The following MTCL1 variants were observed in gnomAD, a reference collection of about 807,000 sequenced individuals.
MTCL1 encodes microtubule crosslinking factor 1.
Under a neutral mutation model 141.4 loss-of-function variants are expected in MTCL1, and 79 were observed. The observed-to-expected ratio is 0.56, with a 90% CI of 0.47 to 0.67. The LOEUF is 0.67. Ranked by LOEUF, MTCL1 falls within the 30% of genes least tolerant of loss-of-function variation. The pLI is 0.00. For missense variants in MTCL1, 2,177 were observed against 2,113.9 expected, an observed-to-expected ratio of 1.03 and a Z score of -0.59; for synonymous variants, 914 against 875.8, an observed-to-expected ratio of 1.04 and a Z score of -0.77.
chr18:8,811,345 A>T (rs140787765), intron 11 of MTCL1: 31 of 152,352 alleles, frequency 2.0e-4, no homozygotes, highest in African/African-American at 7.2e-4. Flanking sequence ...GCAGGGCATG[A>T]ATCTGTTCAT....
At chr18:8,721,525 G>A (rs1490188095) in intron 4 of MTCL1, among the ~76,000 whole-genome samples, 2 of 151,682 alleles carry the variant, frequency 1.3e-5, no homozygotes, top group Non-Finnish European at 2.9e-5. Context: ...CAGCTGCCTC[G>A]GCCTCCCTGC....
chr18:8,734,487 G>A (rs959533389), intron 4 of MTCL1, among the ~76,000 whole-genome samples: 1 of 152,054 alleles, frequency 6.6e-6, no homozygotes, highest in African/African-American at 2.4e-5. Flanking sequence ...ATTTTCTGAA[G>A]GGTACCCTGC....
rs142221028 is a variant in MTCL1, at chr18:8,747,278, G to A, written c.357+26782G>A. ...AGTGGGGACTGCAGTCCAAGATCAG[G>A]GTGCCTGCAGGGCATGCTATCTGGA... On this transcript the variant is annotated intron_variant, in intron 4 of 16. Coordinates refer to ENST00000359865, the Ensembl canonical transcript of MTCL1. Among the ~76,000 whole-genome samples the A allele has an allele frequency of 3.6e-3, 545 of 152,310 alleles. 4 individuals are homozygous for A. The highest frequency in any genetic ancestry group is 0.012 in the African/African-American group (518 of 41,570).
intron 1 of MTCL1, among the ~76,000 whole-genome samples, chr18:8,712,228 G>C (rs80230549): frequency 0.013 from 1,970 of 152,328 alleles, 43 homozygotes; most frequent in African/African-American, 0.045. Flanking sequence ...AAACAAGTTG[G>C]TGCTAGATAC....
exon 6 of MTCL1, chr18:8,783,984 C>T (rs138137244): frequency 6.2e-7 from 1 of 1,613,662 alleles, no homozygotes; most frequent in Non-Finnish European, 8.5e-7. Context: ...CTCCGGAGGT[C>T]CATCTCCGAG....
chr18:8,820,342 G>A (rs1011813590), intron 13 of MTCL1, among the ~76,000 whole-genome samples: 21 of 151,972 alleles, frequency 1.4e-4, no homozygotes, highest in African/African-American at 4.6e-4. Context: ...CCCAGGAGGC[G>A]GAGCTTGTAG....
chr18:8,750,410 C>T lies in MTCL1; in HGVS notation c.358-27423C>T, dbSNP rs544415364. Among the ~76,000 whole-genome samples, 3 of 152,312 alleles carry T rather than the reference C, an allele frequency of 2.0e-5. No homozygotes were observed. The South Asian group carries it at 6.2e-4, about 32-fold the overall frequency. On this transcript the variant is annotated intron_variant, in intron 4 of 16. Transcript: ENST00000359865. ...AAGCGAAATATGCCTGGAGAGAGCC[C>T]GGTCCTGGAGGGTGCCCCTCCTCCA...
chr18:8,803,928 A>C (rs1308495592), intron 10 of MTCL1, among the ~76,000 whole-genome samples: 2 of 152,236 alleles, frequency 1.3e-5, no homozygotes, highest in Non-Finnish European at 2.9e-5. Flanking sequence ...AGAACAGCAT[A>C]GGCTGATACC....
chr18:8,765,228 T>G (rs1180342135), intron 4 of MTCL1, among the ~76,000 whole-genome samples: 1 of 152,208 alleles, frequency 6.6e-6, no homozygotes, highest in African/African-American at 2.4e-5. Flanking sequence ...CAGGCCTGTG[T>G]GCCCTAGGAA....
chr18:8,769,265 A>T (rs624193), intron 4 of MTCL1, among the ~76,000 whole-genome samples: 1 of 152,008 alleles, frequency 6.6e-6, no homozygotes, highest in Non-Finnish European at 1.5e-5. Flanking sequence ...GGTATTGCTA[A>T]GTGCCAGCAT....
chr18:8,730,659 CTTT>C (rs1191246639), intron 4 of MTCL1, among the ~76,000 whole-genome samples: 1 of 152,170 alleles, frequency 6.6e-6, no homozygotes, highest in Non-Finnish European at 1.5e-5. Context: ...CAGCTGCCTT[CTTT>C]TTATTTCCTG....
At chr18:8,710,457 C>CTTTT (rs59830434) in intron 1 of MTCL1, among the ~76,000 whole-genome samples, 462 of 120,540 alleles carry the variant, frequency 3.8e-3, no homozygotes, top group Middle Eastern at 9.9e-3. Context: ...CAGGCACTTT[C>CTTTT]TTTTTTTTTT....
intron 4 of MTCL1, among the ~76,000 whole-genome samples, chr18:8,767,409 A>C (rs1179450866): frequency 6.6e-6 from 1 of 152,166 alleles, no homozygotes; most frequent in African/African-American, 2.4e-5. Context: ...GGGTGTTATT[A>C]GGCCTCCCTA....
intron 16 of MTCL1, chr18:8,829,389 C>A (rs2077125965): frequency 1.0e-6 from 1 of 985,290 alleles, no homozygotes. Flanking sequence ...TGAGGTGTGA[C>A]CCTAATGTGA....
chr18:8,831,204 G>C, intron 16 of MTCL1: 1 of 1,012,106 alleles, frequency 9.9e-7, no homozygotes, highest in Non-Finnish European at 1.2e-6. Context: ...CAGTTCACTT[G>C]TCCACTGTAG....
chr18:8,797,986 A>T lies in MTCL1; in HGVS notation c.2242-111A>T, dbSNP rs116499332. 985 of 1,065,458 alleles carry T rather than the reference A, an allele frequency of 9.2e-4. 9 individuals carry two copies. In the African/African-American group the frequency reaches 0.015, roughly 16 times the overall value. The allele number at this position is 1,065,458 out of a possible 1,614,324, so 66.0% of individuals were successfully genotyped here. On this transcript the variant is annotated intron_variant, in intron 9 of 16. Coordinates refer to ENST00000359865, the Ensembl canonical transcript of MTCL1. ...ATTTTAGGGGTAAGGACTGAGAAGT[A>T]TAGGCGTTGATAATCCATAAAGTAG...
At chr18:8,785,895 T>TA (rs1174626373) in intron 6 of MTCL1, 41 bp from the exon 6 acceptor site, 3 of 1,529,828 alleles carry the variant, frequency 2.0e-6, no homozygotes, top group Non-Finnish European at 8.8e-7. Context: ...TTTAAAATTT[T>TA]AAAGAACAAC....
intron 4 of MTCL1, among the ~76,000 whole-genome samples, chr18:8,775,477 G>A (rs1157442694): frequency 6.6e-6 from 1 of 152,044 alleles, no homozygotes; most frequent in Non-Finnish European, 1.5e-5. Context: ...GGAGGCTGAG[G>A]CAGGCGAATC....
chr18:8,830,401 C>T lies in MTCL1; in HGVS notation c.*19-1206C>T, dbSNP rs1404963313. The T allele has an allele frequency of 4.1e-5, 40 of 985,440 alleles. No individual in the cohort carries two copies. The highest frequency in any genetic ancestry group is 4.7e-5 in the South Asian group (1 of 21,294). 61.0% of individuals were successfully genotyped at this position (985,440 alleles called of 1,614,324 possible). ...TGACCCCAGAGGGAGGCAGGGAAAC[C>T]GCTCGCCCCATTGCTCTTCTGGAAG... On this transcript the variant is annotated intron_variant, in intron 16 of 16. Coordinates refer to ENST00000359865, the Ensembl canonical transcript of MTCL1. The surrounding 1 kb of genome is among the most constrained non-coding windows in gnomAD (Gnocchi z 6.4).
Sources: allele counts gnomAD v4.1 joint callset (sites outside exome capture counted in the v4.1 genomes callset), GRCh38; gene constraint gnomAD v4.1.1; non-coding constraint Gnocchi (gnomAD v3.1); transcripts MANE v1.5; gene names NCBI Gene and HGNC (gene_info 2026-07-23, HGNC 2026-07-21).